F8: variants seen among roughly 807,000 people sequenced by gnomAD.
F8 encodes coagulation factor VIII.
F8 carries 12 observed loss-of-function variants against 140.6 expected under a neutral mutation model. The observed-to-expected ratio is 0.09, with a 90% CI of 0.05 to 0.14. The LOEUF is 0.14. F8 is among the 10% of genes least tolerant of loss of function. F8 has a pLI of 1.00. For missense variants in F8, 1,354 were observed against 1,720.7 expected (o/e 0.79, Z 3.77); for synonymous variants, 585 against 614.6 (o/e 0.95, Z 0.71).
chrX:154,899,789 T>C, intron 21 of F8, 77 bp downstream of exon 21: 1 of 968,075 alleles, frequency 1.0e-6, no homozygotes, highest in Non-Finnish European at 1.5e-6. Flanking sequence ...CATAGAATCC[T>C]TTGAGCTTGC....
At chrX:154,858,890 C>T (rs1403558547) in intron 25 of F8, among the ~76,000 whole-genome samples, 3 of 112,269 alleles carry the variant, frequency 2.7e-5, no homozygotes, top group African/African-American at 6.5e-5. Flanking sequence ...TTTACTTGGT[C>T]ATAAGGTGCC....
Position 154,931,108 on chromosome X carries a change from A to G in F8, c.2682T>C (p.Asp894=). 1.7e-6 allele frequency: 2 copies of G among 1,206,177 alleles called. No individual in the cohort carries two copies. Among genetic ancestry groups the G allele is most frequent in the Non-Finnish European group, 2.2e-6 (2 of 893,430 alleles). ...TATTTGATGTACTAGAAACTTTGAA[A>G]TCAAGTTTCTTCAACTCTGTTGCTG... ...TTAATELKKL[D]FKVSSTSNNL... The change falls in exon 14 of 26, where the codon GAT becomes GAC. Residue 894 remains aspartate (D), a synonymous_variant. Coordinates refer to ENST00000360256, the MANE Select transcript of F8 (RefSeq NM_000132.4).
chrX:155,019,197 G>A (rs1374184481), intron 1 of F8, among the ~76,000 whole-genome samples: 2 of 111,855 alleles, frequency 1.8e-5, no homozygotes, highest in African/African-American at 6.5e-5. Context: ...AATGAGAATA[G>A]AATAAACACC....
intron 6 of F8, among the ~76,000 whole-genome samples, chrX:154,977,704 T>A (rs1349109018): frequency 4.5e-5 from 5 of 110,489 alleles, no homozygotes; most frequent in African/African-American, 1.6e-4. Flanking sequence ...TTTCTTTGAC[T>A]TTTGATAGTT....
At chrX:154,959,756 A>G (rs1312959374) in intron 10 of F8, among the ~76,000 whole-genome samples, 1 of 111,656 alleles carries the variant, frequency 9.0e-6, no homozygotes, top group Non-Finnish European at 1.9e-5. Context: ...TTCCTTCCAC[A>G]TATTATTTTA....
At chrX:155,015,245 T>C (rs782368427) in intron 1 of F8, among the ~76,000 whole-genome samples, 6 of 111,811 alleles carry the variant, frequency 5.4e-5, no homozygotes, top group Admixed American at 1.9e-4. Context: ...ATGATAAAAG[T>C]TCTAGAAGAA....
At chrX:154,965,548 C>T (rs1185222464) in intron 9 of F8, among the ~76,000 whole-genome samples, 1 of 111,299 alleles carries the variant, frequency 9.0e-6, no homozygotes, top group African/African-American at 3.3e-5. Flanking sequence ...TATTCTCTTG[C>T]TCCTCCGCCT....
At chrX:154,910,298 ATT>A (rs782791669) in intron 14 of F8, among the ~76,000 whole-genome samples, 2 of 110,644 alleles carry the variant, frequency 1.8e-5, no homozygotes, top group South Asian at 7.9e-4. Flanking sequence ...GGAAACCATC[ATT>A]CTCAGCAAAC....
At chrX:154,858,333 C>T (rs782341774) in intron 25 of F8, among the ~76,000 whole-genome samples, 2 of 112,449 alleles carry the variant, frequency 1.8e-5, no homozygotes, top group South Asian at 3.7e-4. Context: ...AGTGCCCAAT[C>T]TGCCAGCAGT....
chrX:154,997,600 CA>C (rs1182606113), intron 2 of F8, among the ~76,000 whole-genome samples: 3 of 111,226 alleles, frequency 2.7e-5, no homozygotes, highest in African/African-American at 9.8e-5. Flanking sequence ...AGTGGAAGAG[CA>C]TTGAAAACAG....
At chrX:154,975,789 C>G (rs1439651506) in intron 6 of F8, among the ~76,000 whole-genome samples, 1 of 112,362 alleles carries the variant, frequency 8.9e-6, no homozygotes, top group Non-Finnish European at 1.9e-5. Context: ...CTAGAAAATA[C>G]AAAGATCAAA....
intron 10 of F8, among the ~76,000 whole-genome samples, chrX:154,960,719 A>G (rs782151501): frequency 2.9e-4 from 32 of 111,073 alleles, no homozygotes; most frequent in African/African-American, 1.0e-3. Flanking sequence ...TGTGGAATGT[A>G]GCTGAAAACC....
chrX:155,012,838 G>A (rs918798003), intron 1 of F8, among the ~76,000 whole-genome samples: 6 of 110,178 alleles, frequency 5.4e-5, no homozygotes, highest in Non-Finnish European at 7.6e-5. Context: ...GAGTGAACAC[G>A]TCTCAACTCA....
chrX:154,947,193 C>T (rs1557280359), intron 13 of F8, among the ~76,000 whole-genome samples: 1 of 98,198 alleles, frequency 1.0e-5, no homozygotes, highest in African/African-American at 3.8e-5. Flanking sequence ...CCACCGCACT[C>T]CAGCCTGGGC....
rs782296260 is a variant in F8, at chrX:154,962,881, G to C, written c.1444-1713C>G. Among the ~76,000 whole-genome samples the C allele has an allele frequency of 5.9e-3, 587 of 99,645 alleles. 5 individuals carry two copies. The highest frequency in any genetic ancestry group is 0.022 in the African/African-American group (521 of 23,856). 86.5% of individuals were successfully genotyped at this position (99,645 alleles called of 115,157 possible). ...GAGACCCTATCTCAAGAGAGAGAGA[G>C]AGAGACAGAGACGAGAGAGAGAGAG... is the stretch of plus-strand genomic sequence containing the variant. On this transcript the variant is annotated intron_variant, in intron 9 of 25. Transcript: ENST00000360256.
intron 14 of F8, among the ~76,000 whole-genome samples, chrX:154,926,893 G>C (rs1223146442): frequency 2.7e-5 from 3 of 111,878 alleles, no homozygotes; most frequent in African/African-American, 9.7e-5. Context: ...TGTCGTCACA[G>C]AGTGAGTATA....
chrX:154,839,734 C>T (rs782762626), intron 25 of F8, among the ~76,000 whole-genome samples: 10 of 111,646 alleles, frequency 9.0e-5, no homozygotes, highest in Admixed American at 6.7e-4. Flanking sequence ...CATTCAGTAT[C>T]TTTTCCTTTA....
chrX:154,837,401 GAGTTA>G lies in F8; in HGVS notation c.*191_*195del. The stretch of plus-strand genomic sequence containing the variant: ...GGGAGCAGCTGCAGAAAATAGGTAA[GAGTTA>G]AGTTAAATTGGATGCACCCTCCTGG... On this transcript the variant is annotated 3_prime_UTR_variant, in exon 26 of 26. Coordinates refer to ENST00000360256, the MANE Select transcript of F8 (RefSeq NM_000132.4). The G allele has an allele frequency of 2.2e-6, 1 of 455,074 alleles. No individual in the cohort carries two copies. Among genetic ancestry groups the G allele is most frequent in the South Asian group, 3.4e-5 (1 of 29,610 alleles). The allele number at this position is 455,074 out of a possible 1,213,427, so 37.5% of individuals were successfully genotyped here.
chrX:154,941,123 C>T (rs1445290168), intron 13 of F8, among the ~76,000 whole-genome samples: 1 of 111,787 alleles, frequency 8.9e-6, no homozygotes, highest in Non-Finnish European at 1.9e-5. Flanking sequence ...AGCAAAATAA[C>T]CAGCTAACAT....
Sources: gnomAD v4.1 joint callset for allele counts (sites outside exome capture counted in the v4.1 genomes callset) on GRCh38, gnomAD v4.1.1 for gene constraint, MANE v1.5 for transcripts, NCBI Gene and HGNC (gene_info 2026-07-23, HGNC 2026-07-21) for gene names.